BUB1: variants seen among roughly 807,000 people sequenced by gnomAD.
BUB1 encodes the protein BUB1 mitotic checkpoint serine/threonine kinase.
A neutral mutation model predicts 135.2 loss-of-function variants in BUB1; 84 were observed. The ratio of observed to expected loss-of-function variants is 0.62; its 90% CI spans 0.52 to 0.74. The LOEUF (loss-of-function observed/expected upper bound fraction) is 0.74, where lower values mean the gene tolerates loss of function less well. Among genes scored for constraint, BUB1 ranks in the 30% least tolerant of loss-of-function variants. The pLI, the probability that BUB1 is intolerant of heterozygous loss-of-function variation, is 0.00. For synonymous variants in BUB1, 403 were observed against 434.4 expected (o/e 0.93, Z 0.90); for missense variants, 1,162 against 1,288.3 (o/e 0.90, Z 1.50).
intron 10 of BUB1, among the ~76,000 whole-genome samples, chr2:110,660,353 G>GA (rs1296250581): frequency 6.6e-6 from 1 of 151,308 alleles, no homozygotes; most frequent in Admixed American, 6.6e-5. Context: ...TCCAGCCTGG[G>GA]CAACAAGAGC....
intron 13 of BUB1, 73 bp downstream of exon 13, chr2:110,658,337 A>G (rs1689987633): frequency 6.3e-6 from 8 of 1,273,748 alleles, no homozygotes; most frequent in Non-Finnish European, 6.5e-6. Context: ...GTCACCTCTT[A>G]AATAATTCTT....
Position 110,674,140 on chromosome 2 carries a change from T to C in BUB1, c.171A>G (p.Leu57=), listed in dbSNP as rs775764479. ...TLLEHLMKEF[L]DKKKYHNDPR... is the part of the protein sequence containing the mutation. ...GGTCATTGTGGTATTTCTTCTTATC[T>C]AAAAATTCCTTCATTAAATGTTCTA... The change falls in exon 3 of 25, where the codon TTA becomes TTG. Residue 57 remains leucine, a synonymous_variant. Transcript: ENST00000302759. 1.3e-6 allele frequency: 2 copies of C among 1,575,920 alleles called. No homozygotes were observed. The highest frequency in any genetic ancestry group is 2.2e-5 in the South Asian group (2 of 89,720).
At position 110,641,621 on chromosome 2, in the gene BUB1, AT is replaced by A. The variant is rs1689507987; in HGVS notation, c.2625+20del. 6.2e-7 allele frequency: 1 copy of A among 1,604,740 alleles called. No individual in the cohort carries two copies. The highest frequency in any genetic ancestry group is 1.1e-5 in the South Asian group (1 of 89,402). On this transcript the variant is annotated intron_variant, in intron 21 of 24. Coordinates refer to ENST00000302759, the MANE Select transcript of BUB1 (RefSeq NM_004336.5). ...AAATCCATTTTAAATTCATGTGCTC[AT>A]CATAAAAATGAATACTTACTAATAA... is the stretch of plus-strand genomic sequence containing the variant.
At chr2:110,670,229 C>T (rs1276308160) in intron 5 of BUB1, among the ~76,000 whole-genome samples, 1 of 150,000 alleles carries the variant, frequency 6.7e-6, no homozygotes, top group Non-Finnish European at 1.5e-5. Flanking sequence ...ACCTCTGCCT[C>T]CCGGGCTCAA....
intron 19 of BUB1, among the ~76,000 whole-genome samples, chr2:110,646,186 A>G (rs1689642184): frequency 6.6e-6 from 1 of 151,414 alleles, no homozygotes; most frequent in East Asian, 1.9e-4. Flanking sequence ...AAAAAAAAAA[A>G]AAAGCTGCAT....
intron 17 of BUB1, 71 bp downstream of exon 17, chr2:110,653,365 G>A (rs79904991): frequency 2.6e-5 from 39 of 1,499,512 alleles, no homozygotes; most frequent in Non-Finnish European, 3.6e-5. Context: ...GGCAAAGCTA[G>A]AATGAAAATG....
At chr2:110,640,074 G>A (rs1281273845) in intron 23 of BUB1, 1 of 617,094 alleles carries the variant, frequency 1.6e-6, no homozygotes, top group Non-Finnish European at 3.0e-6. Context: ...GAGCTACCAT[G>A]TCCCTCTCAA....
chr2:110,639,694 C>A, intron 24 of BUB1, 48 bp downstream of exon 24: 1 of 1,378,346 alleles, frequency 7.3e-7, no homozygotes, highest in Admixed American at 1.8e-5. Context: ...ACCCAACATT[C>A]TACTTTAGTT....
chr2:110,654,859 G>A (rs1689883399), intron 16 of BUB1, among the ~76,000 whole-genome samples: 1 of 152,134 alleles, frequency 6.6e-6, no homozygotes, highest in African/African-American at 2.4e-5. Context: ...TTCTATTATT[G>A]CTTTGGTAAA....
intron 10 of BUB1, 59 bp from the exon 11 acceptor site, chr2:110,660,095 G>A (rs553866362): frequency 9.7e-5 from 139 of 1,436,278 alleles, no homozygotes; most frequent in Admixed American, 1.2e-4. Flanking sequence ...TAGGCTGGGT[G>A]CGGTGGTGGC....
intron 23 of BUB1, among the ~76,000 whole-genome samples, chr2:110,640,605 T>C (rs1689477188): frequency 6.6e-6 from 1 of 152,214 alleles, no homozygotes; most frequent in Non-Finnish European, 1.5e-5. Flanking sequence ...CCATCCTGCC[T>C]GAGAGCATCC....
chr2:110,649,171 G>C, intron 19 of BUB1, 63 bp downstream of exon 19: 1 of 1,338,920 alleles, frequency 7.5e-7, no homozygotes, highest in Non-Finnish European at 1.0e-6. Flanking sequence ...ACACACACAC[G>C]TTACCATCAA....
At position 110,658,526 on chromosome 2, in the gene BUB1, A is replaced by C; in HGVS notation, c.1406-6T>G. 6.2e-7 allele frequency: 1 copy of C among 1,613,712 alleles called. No individual in the cohort carries two copies. Among genetic ancestry groups the C allele is most frequent in the East Asian group, 2.2e-5 (1 of 44,880 alleles). On this transcript the variant is annotated splice_region_variant and splice_polypyrimidine_tract_variant and intron_variant, in intron 12 of 24. Coordinates refer to ENST00000302759, the MANE Select transcript of BUB1 (RefSeq NM_004336.5). ...AAACATATTCATGATGAAACCTTAAAGAACAAAAAGAATAATTGTAAACAG... is the reference window on the plus strand; with the variant it reads ...AAACATATTCATGATGAAACCTTAACGAACAAAAAGAATAATTGTAAACAG...
intron 17 of BUB1, among the ~76,000 whole-genome samples, chr2:110,651,704 G>A (rs1689791773): frequency 6.6e-6 from 1 of 152,072 alleles, no homozygotes; most frequent in Non-Finnish European, 1.5e-5. Flanking sequence ...CTTCAGTCCT[G>A]CAAGCTCCAT....
chr2:110,671,071 T>C (rs1160565072), intron 4 of BUB1, among the ~76,000 whole-genome samples: 1 of 152,246 alleles, frequency 6.6e-6, no homozygotes, highest in African/African-American at 2.4e-5. Context: ...TGTCGGGTAA[T>C]GTGCAATTCC....
Position 110,637,664 on chromosome 2 carries a change from G to GGCC in BUB1, c.*297_*299dup, listed in dbSNP as rs2104510118. 1 of 194,098 alleles carries GGCC rather than the reference G, an allele frequency of 5.2e-6. No homozygotes were observed. Among genetic ancestry groups the GGCC allele is most frequent in the African/African-American group, 2.3e-5 (1 of 42,836 alleles). 12.0% of individuals were successfully genotyped at this position (194,098 alleles called of 1,614,324 possible). A position where few individuals can be genotyped will look rare whatever the true frequency, so the allele number is the denominator to read the frequency against. ...TTCAAATTTGGAAAATAGCTGTCTTGGCCCTTTTTTGGCTTAAACAGGTCA... is the reference window on the plus strand; with the variant it reads ...TTCAAATTTGGAAAATAGCTGTCTTGGCCGCCCTTTTTTGGCTTAAACAGGTCA... On this transcript the variant is annotated 3_prime_UTR_variant, in exon 25 of 25. Transcript: ENST00000302759.
At chr2:110,659,392 G>A (rs937249002) in intron 11 of BUB1, among the ~76,000 whole-genome samples, 8 of 152,118 alleles carry the variant, frequency 5.3e-5, no homozygotes, top group African/African-American at 1.2e-4. Flanking sequence ...CCCTCTGTGT[G>A]GGTGGAGATT....
intron 24 of BUB1, among the ~76,000 whole-genome samples, chr2:110,638,729 C>T (rs1559161972): frequency 2.0e-5 from 3 of 152,224 alleles, no homozygotes; most frequent in African/African-American, 7.2e-5. Context: ...TAACTTCCAG[C>T]TCTTCTTCAC....
intron 11 of BUB1, among the ~76,000 whole-genome samples, chr2:110,659,296 T>TG (rs1385909251): frequency 6.6e-6 from 1 of 152,198 alleles, no homozygotes; most frequent in African/African-American, 2.4e-5. Flanking sequence ...GCTAATGGCA[T>TG]GGTAGCTCCC....
Sources: gnomAD v4.1 joint callset for allele counts (sites outside exome capture counted in the v4.1 genomes callset) on GRCh38, gnomAD v4.1.1 for gene constraint, MANE v1.5 for transcripts, NCBI Gene and HGNC (gene_info 2026-07-23, HGNC 2026-07-21) for gene names.